The following TMEM163 variants were observed in gnomAD, a reference collection of about 807,000 sequenced individuals.
The protein encoded by TMEM163 is transmembrane protein 163.
Under a neutral mutation model 29.3 loss-of-function variants are expected in TMEM163, and 17 were observed. The observed-to-expected ratio is 0.58, with a 90% CI of 0.40 to 0.87. The LOEUF (loss-of-function observed/expected upper bound fraction) is 0.87. TMEM163 is among the 40% of genes least tolerant of loss of function. TMEM163 has a pLI of 0.00. For synonymous variants in TMEM163, 157 were observed against 160.6 expected, an observed-to-expected ratio of 0.98 and a Z score of 0.17; for missense variants, 303 against 381.5, an observed-to-expected ratio of 0.79 and a Z score of 1.71.
intron 2 of TMEM163, among the ~76,000 whole-genome samples, chr2:134,622,493 C>G (rs1216042507): frequency 3.3e-5 from 5 of 152,184 alleles, no homozygotes; most frequent in Admixed American, 2.6e-4. Flanking sequence ...CTGAGTGATA[C>G]TGAAGCATTT....
At chr2:134,519,897 A>AG (rs1680158467) in intron 4 of TMEM163, among the ~76,000 whole-genome samples, 1 of 151,656 alleles carries the variant, frequency 6.6e-6, no homozygotes, top group Admixed American at 6.6e-5. Context: ...CTCAAAAAAA[A>AG]AAAAAAAAAA....
intron 4 of TMEM163, among the ~76,000 whole-genome samples, chr2:134,541,722 T>A (rs1680672739): frequency 6.6e-6 from 1 of 152,072 alleles, no homozygotes. Context: ...TATACGTAGA[T>A]CATCTCTGTT....
intron 2 of TMEM163, among the ~76,000 whole-genome samples, chr2:134,616,414 G>T (rs1682610251): frequency 6.6e-6 from 1 of 152,082 alleles, no homozygotes; most frequent in African/African-American, 2.4e-5. Context: ...GCCTCCTCCT[G>T]ACTTCTTTTT....
intron 2 of TMEM163, among the ~76,000 whole-genome samples, chr2:134,574,881 T>C (rs1681513621): frequency 6.6e-6 from 1 of 152,174 alleles, no homozygotes; most frequent in South Asian, 2.1e-4. Context: ...CCGTTAGGCT[T>C]GCTGGACTGA....
chr2:134,510,601 G>A (rs775574872), intron 4 of TMEM163, among the ~76,000 whole-genome samples: 1 of 152,134 alleles, frequency 6.6e-6, no homozygotes, highest in Non-Finnish European at 1.5e-5. Context: ...GGCAGAACTC[G>A]GTGACTGACT....
chr2:134,501,022 G>A (rs1465031817), intron 5 of TMEM163, among the ~76,000 whole-genome samples: 3 of 152,092 alleles, frequency 2.0e-5, no homozygotes, highest in African/African-American at 7.2e-5. Flanking sequence ...AATAATAAAT[G>A]TTTGAGATAA....
chr2:134,569,481 AAC>A (rs1490334100), intron 2 of TMEM163, among the ~76,000 whole-genome samples: 3 of 152,206 alleles, frequency 2.0e-5, no homozygotes, highest in African/African-American at 7.2e-5. Flanking sequence ...ACACTTGGAA[AAC>A]ACATATAAAT....
At chr2:134,590,272 C>T (rs1013377329) in intron 2 of TMEM163, among the ~76,000 whole-genome samples, 4 of 152,112 alleles carry the variant, frequency 2.6e-5, no homozygotes, top group Non-Finnish European at 5.9e-5. Flanking sequence ...AGTCGGTGGC[C>T]AAACCAGCTT....
At chr2:134,503,466 A>G (rs1229846505) in intron 4 of TMEM163, among the ~76,000 whole-genome samples, 1 of 152,254 alleles carries the variant, frequency 6.6e-6, no homozygotes, top group Non-Finnish European at 1.5e-5. Context: ...AAATGGGAAT[A>G]TATTCCCTAC....
At chr2:134,701,885 T>C (rs906440606) in intron 2 of TMEM163, among the ~76,000 whole-genome samples, 2 of 129,204 alleles carry the variant, frequency 1.5e-5, no homozygotes, top group African/African-American at 6.2e-5. Context: ...GCCACTGCAC[T>C]CCAGGCTGGG....
At chr2:134,712,169 G>A (rs1684940520) in intron 2 of TMEM163, among the ~76,000 whole-genome samples, 1 of 152,218 alleles carries the variant, frequency 6.6e-6, no homozygotes, top group Non-Finnish European at 1.5e-5. Context: ...GTGGTATAGT[G>A]TTTCCAATAT....
intron 2 of TMEM163, among the ~76,000 whole-genome samples, chr2:134,687,263 G>A (rs1684368906): frequency 6.6e-6 from 1 of 151,944 alleles, no homozygotes; most frequent in African/African-American, 2.4e-5. Context: ...TTTAGAAATG[G>A]GGTTGACAAA....
At chr2:134,678,811 T>C (rs1440492964) in intron 2 of TMEM163, among the ~76,000 whole-genome samples, 1 of 152,222 alleles carries the variant, frequency 6.6e-6, no homozygotes, top group Non-Finnish European at 1.5e-5. Flanking sequence ...AAGTTATTGG[T>C]TTTTCATTGC....
intron 4 of TMEM163, among the ~76,000 whole-genome samples, chr2:134,511,153 C>CGGGGGGGG (rs10639023): frequency 1.6e-5 from 2 of 122,384 alleles, no homozygotes; most frequent in African/African-American, 7.4e-5. Flanking sequence ...GAGAACAAGG[C>CGGGGGGGG]GGGGGGGGGT....
At chr2:134,676,478 AT>A (rs957200792) in intron 2 of TMEM163, among the ~76,000 whole-genome samples, 34 of 152,242 alleles carry the variant, frequency 2.2e-4, no homozygotes, top group African/African-American at 6.0e-4. Flanking sequence ...AAATATTCAT[AT>A]TTTTTAACAT....
intron 6 of TMEM163, among the ~76,000 whole-genome samples, chr2:134,464,570 G>A (rs1408264876): frequency 3.3e-5 from 5 of 152,120 alleles, no homozygotes; most frequent in South Asian, 4.1e-4. Context: ...CCATGCACAC[G>A]GGTGATGCTC....
At chr2:134,596,715 T>G (rs1194327858) in intron 2 of TMEM163, among the ~76,000 whole-genome samples, 1 of 152,160 alleles carries the variant, frequency 6.6e-6, no homozygotes, top group East Asian at 1.9e-4. Context: ...GTATGGCCAT[T>G]TTCACAATAT....
chr2:134,529,882 G>C (rs766207871), intron 4 of TMEM163, among the ~76,000 whole-genome samples: 86 of 151,924 alleles, frequency 5.7e-4, no homozygotes, highest in Admixed American at 3.9e-3. Context: ...GAAAAGGAAA[G>C]TTTCGAGTAA....
At chr2:134,463,022 G>A (rs1686584219) in intron 6 of TMEM163, among the ~76,000 whole-genome samples, 1 of 152,238 alleles carries the variant, frequency 6.6e-6, no homozygotes, top group African/African-American at 2.4e-5. Context: ...CCGAGGAGCT[G>A]CCTGCTATGG....
Sources: gnomAD v4.1 joint callset for allele counts (sites outside exome capture counted in the v4.1 genomes callset) on GRCh38, gnomAD v4.1.1 for gene constraint, MANE v1.5 for transcripts, NCBI Gene and HGNC (gene_info 2026-07-23, HGNC 2026-07-21) for gene names.